Variants in CYFIP1 observed in about 807,000 individuals in gnomAD.
The protein encoded by CYFIP1 is cytoplasmic FMR1 interacting protein 1.
In CYFIP1, 58 loss-of-function variants were observed where a neutral mutation model predicts 163.5. That is an observed-to-expected ratio of 0.35 (90% CI 0.29 to 0.44). The LOEUF (loss-of-function observed/expected upper bound fraction) is 0.44, where lower values mean the gene tolerates loss of function less well. Among genes scored for constraint, CYFIP1 ranks in the 20% least tolerant of loss-of-function variants. The pLI, the probability that CYFIP1 is intolerant of heterozygous loss-of-function variation, is 1.00. For missense variants in CYFIP1, 1,338 were observed against 1,653.8 expected (o/e 0.81, Z 3.31); for synonymous variants, 663 against 660.7 (o/e 1.00, Z -0.05).
chr15:22,954,787 G>A (rs11632784), intron 1 of CYFIP1, among the ~76,000 whole-genome samples: 33,762 of 152,128 alleles, frequency 0.22, 4,251 homozygotes, highest in Middle Eastern at 0.34. Flanking sequence ...CCATCAGTTC[G>A]TTTATTTTGT....
intron 11 of CYFIP1, among the ~76,000 whole-genome samples, chr15:22,928,431 ATAAAAAG>A (rs1234182870): frequency 1.4e-5 from 2 of 144,562 alleles, no homozygotes; most frequent in African/African-American, 2.6e-5. Context: ...AAATAAATAA[ATAAAAAG>A]AAAATAAGAA....
chr15:22,925,870 A>C (rs938710814), intron 13 of CYFIP1, 112 bp downstream of exon 13: 5 of 1,471,146 alleles, frequency 3.4e-6, no homozygotes, highest in Admixed American at 1.9e-5. Context: ...AGGGGTGCCC[A>C]CACAGAAGCA....
intron 23 of CYFIP1, among the ~76,000 whole-genome samples, chr15:22,890,165 G>C (rs1371884506): frequency 6.6e-6 from 1 of 151,418 alleles, no homozygotes; most frequent in Non-Finnish European, 1.5e-5. Flanking sequence ...ACAAAAAATT[G>C]TCCGGGCATG....
chr15:22,893,619 G>A (rs1165172292), intron 22 of CYFIP1, among the ~76,000 whole-genome samples: 1 of 152,166 alleles, frequency 6.6e-6, no homozygotes, highest in Non-Finnish European at 1.5e-5. Flanking sequence ...TTCCACTTCA[G>A]GAAATGGAAA....
At chr15:22,921,524 C>CA in intron 13 of CYFIP1, among the ~76,000 whole-genome samples, 1 of 151,234 alleles carries the variant, frequency 6.6e-6, no homozygotes, top group Non-Finnish European at 1.5e-5. Flanking sequence ...AAAAAAAAGA[C>CA]AGAGAAGCAG....
At position 22,939,286 on chromosome 15, in the gene CYFIP1, T is replaced by C; in HGVS notation, c.701A>G (p.Tyr234Cys). 6.2e-7 allele frequency: 1 copy of C among 1,614,144 alleles called. No homozygotes were observed. The highest frequency in any genetic ancestry group is 8.5e-7 in the Non-Finnish European group (1 of 1,180,006). Residue 234 changes from tyrosine to cysteine, a missense_variant, in exon 8 of 31, where the codon TAC (tyrosine) becomes TGC (cysteine). Physicochemically the swap from Tyr to Cys is radical, Grantham distance 194. Transcript: ENST00000617928. ...LQQQLEVISG[Y>C]EELLADIVNL... Reference sequence around the variant, plus strand: ...CACAATATCTGCCAGGAGCTCTTCGTAGCCAGAAATCACTTCGAGCTGCTG... The same window carrying C: ...CACAATATCTGCCAGGAGCTCTTCGCAGCCAGAAATCACTTCGAGCTGCTG...
Position 22,916,569 on chromosome 15 carries a change from G to C in CYFIP1, c.1736C>G (p.Thr579Ser). ...GGGCCCCTCAAGGCTACTTCTCAAG[G>C]TTTTCTTGGAACCACTTTTGTCTGC... ...LIADKSGSKK[T>S]LRSSLEGPTI... Residue 579 changes from threonine to serine, a missense_variant, in exon 16 of 31, where the codon ACC becomes AGC. Around this residue, in one of 4 missense-constraint regions of CYFIP1, gnomAD observed 824 missense variants for 995.7 expected, o/e 0.83. Transcript: ENST00000617928. 6.2e-7 allele frequency: 1 copy of C among 1,614,026 alleles called. No homozygotes were observed. Among genetic ancestry groups the C allele is most frequent in the Non-Finnish European group, 8.5e-7 (1 of 1,180,006 alleles).
chr15:22,909,305 G>T lies in CYFIP1; in HGVS notation c.2277C>A (p.Gly759=). 3 of 1,614,070 alleles carry T rather than the reference G, an allele frequency of 1.9e-6. No individual in the cohort carries two copies. Among genetic ancestry groups the T allele is most frequent in the Non-Finnish European group, 2.5e-6 (3 of 1,179,984 alleles). Residue 759 remains glycine, a synonymous_variant, in exon 21 of 31, where the codon GGC becomes GGA. Transcript: ENST00000617928. ...LLKQRHVQLL[G]RSIDLNRLIT... ...TCAGACGATTGAGGTCTATTGATCT[G>T]CCGAGGAGCTGGCGTACACAGGGAA...
chr15:22,879,015 A>G (rs1409451442), intron 26 of CYFIP1, among the ~76,000 whole-genome samples: 2 of 152,036 alleles, frequency 1.3e-5, no homozygotes, highest in African/African-American at 4.8e-5. Flanking sequence ...GGGCGCCTGT[A>G]GTCCCAGCTA....
chr15:22,961,692 A>T (rs12914151), intron 1 of CYFIP1, among the ~76,000 whole-genome samples: 37,793 of 151,966 alleles, frequency 0.25, 5,977 homozygotes, highest in East Asian at 0.45. Flanking sequence ...GTTTTTCTTC[A>T]TTTGTAACTT....
At chr15:22,966,156 C>T (rs2062894854) in intron 1 of CYFIP1, among the ~76,000 whole-genome samples, 1 of 151,658 alleles carries the variant, frequency 6.6e-6, no homozygotes, top group Non-Finnish European at 1.5e-5. Context: ...CGAGACCAGC[C>T]TGACCAACAT....
chr15:22,935,918 C>T (rs1566996781), intron 9 of CYFIP1, among the ~76,000 whole-genome samples: 8 of 152,182 alleles, frequency 5.3e-5, no homozygotes, highest in Admixed American at 3.9e-4. Context: ...TTGTCAATTA[C>T]ACCTTGATAA....
chr15:22,953,379 C>T (rs999498408), intron 1 of CYFIP1, among the ~76,000 whole-genome samples: 5 of 152,216 alleles, frequency 3.3e-5, no homozygotes, highest in South Asian at 2.1e-4. Flanking sequence ...CTGCCACCAG[C>T]GGACCCTGCA....
chr15:22,910,884 A>T (rs7359217), intron 18 of CYFIP1, 71 bp from the exon 19 acceptor site: 223,682 of 1,364,194 alleles, frequency 0.16, 19,699 homozygotes, highest in African/African-American at 0.28. Flanking sequence ...GTGAAAAACA[A>T]AATGTTTCGT....
At chr15:22,914,693 C>A in intron 17 of CYFIP1, 33 bp downstream of exon 17, 1 of 1,581,602 alleles carries the variant, frequency 6.3e-7, no homozygotes. Flanking sequence ...TCACCACACA[C>A]AAAGGCTGGA....
chr15:22,954,369 G>A (rs953652511), intron 1 of CYFIP1, among the ~76,000 whole-genome samples: 5 of 152,180 alleles, frequency 3.3e-5, no homozygotes, highest in African/African-American at 9.7e-5. Flanking sequence ...CAGGTAGGAC[G>A]GAGTCACCCA....
rs1035681624 is a variant in CYFIP1, at chr15:22,867,421, C to T, written c.*2607G>A. 4.9e-5 allele frequency: 18 copies of T among 371,106 alleles called. No individual in the cohort carries two copies. Among genetic ancestry groups the T allele is most frequent in the African/African-American group, 1.0e-4 (5 of 48,020 alleles). 23.0% of individuals were successfully genotyped at this position (371,106 alleles called of 1,614,324 possible). On this transcript the variant is annotated 3_prime_UTR_variant, in exon 31 of 31. Coordinates refer to ENST00000617928, the MANE Select transcript of CYFIP1 (RefSeq NM_014608.6). ...AAAGGGCAGAAATCACCCCAAGGAA[C>T]GATTTCTCAGGTTGAGATGATCACC...
chr15:22,913,205 G>A (rs28595656), intron 17 of CYFIP1, among the ~76,000 whole-genome samples: 33,653 of 142,050 alleles, frequency 0.24, 4,790 homozygotes, highest in African/African-American at 0.43. Flanking sequence ...CTGTTGGGGG[G>A]AAAAAAAAAA....
intron 3 of CYFIP1, chr15:22,946,706 T>C (rs1242394126): frequency 4.2e-5 from 24 of 567,930 alleles, no homozygotes; most frequent in South Asian, 2.1e-4. Flanking sequence ...TATGGGCACA[T>C]ACCTGGTGTG....
Sources: gnomAD v4.1 joint callset for allele counts (sites outside exome capture counted in the v4.1 genomes callset) on GRCh38, gnomAD v4.1.1 for gene constraint, gnomAD v4.1.1 regional missense constraint, MANE v1.5 for transcripts, NCBI Gene and HGNC (gene_info 2026-07-23, HGNC 2026-07-21) for gene names.